The following DGKB variants were observed in gnomAD, a reference collection of about 807,000 sequenced individuals.
DGKB encodes the protein diacylglycerol kinase beta, also known as 90 kDa diacylglycerol kinase.
DGKB carries 67 observed loss-of-function variants against 114.3 expected under a neutral mutation model. The ratio of observed to expected loss-of-function variants is 0.59; its 90% confidence interval spans 0.48 to 0.72. DGKB has a LOEUF of 0.72. Ranked by LOEUF, DGKB falls within the 30% of genes least tolerant of loss-of-function variation. DGKB has a pLI of 0.00. For synonymous variants in DGKB, 398 were observed against 323.1 expected, an observed-to-expected ratio of 1.23 and a Z score of -2.49; for missense variants, 907 against 975.2, an observed-to-expected ratio of 0.93 and a Z score of 0.93.
intron 14 of DGKB, among the ~76,000 whole-genome samples, chr7:14,625,300 C>T (rs558673511): frequency 2.0e-5 from 3 of 152,070 alleles, no homozygotes; most frequent in Admixed American, 2.0e-4. Context: ...ATCTTAAAAA[C>T]AGGAGAGCCT....
At chr7:14,646,528 T>G (rs757014056) in intron 13 of DGKB, among the ~76,000 whole-genome samples, 2 of 152,162 alleles carry the variant, frequency 1.3e-5, no homozygotes, top group African/African-American at 2.4e-5. Context: ...ATCCAATAGC[T>G]GCAGAACACA....
chr7:14,319,272 A>C (rs2128527955), intron 23 of DGKB, among the ~76,000 whole-genome samples: 1 of 121,648 alleles, frequency 8.2e-6, no homozygotes, highest in African/African-American at 3.5e-5. Context: ...ATGTACCCTA[A>C]AACTTAAAGT....
intron 21 of DGKB, among the ~76,000 whole-genome samples, chr7:14,384,760 A>G: frequency 6.6e-6 from 1 of 152,180 alleles, no homozygotes; most frequent in East Asian, 1.9e-4. Flanking sequence ...GGTAATATGT[A>G]GAGACCTTTT....
intron 23 of DGKB, among the ~76,000 whole-genome samples, chr7:14,264,933 A>G (rs542068184): frequency 1.3e-5 from 2 of 152,214 alleles, no homozygotes; most frequent in Admixed American, 6.6e-5. Context: ...TAACTGAAAC[A>G]AAGACTTTAC....
intron 20 of DGKB, among the ~76,000 whole-genome samples, chr7:14,530,468 T>G (rs1453255531): frequency 6.6e-6 from 1 of 151,556 alleles, no homozygotes; most frequent in Non-Finnish European, 1.5e-5. Flanking sequence ...CATGCCTCCC[T>G]TGATTTCTTC....
chr7:14,914,745 T>A (rs1293153811), intron 1 of DGKB, among the ~76,000 whole-genome samples: 2 of 151,820 alleles, frequency 1.3e-5, no homozygotes, highest in Admixed American at 1.3e-4. Context: ...TGTTAAAGGA[T>A]CTAACGGAAA....
At chr7:14,635,069 A>G (rs1810475877) in intron 13 of DGKB, among the ~76,000 whole-genome samples, 1 of 151,574 alleles carries the variant, frequency 6.6e-6, no homozygotes, top group South Asian at 2.1e-4. Flanking sequence ...AAAATAAAAC[A>G]TTTTAAAAGC....
chr7:14,180,093 C>T (rs1160130325), intron 23 of DGKB, among the ~76,000 whole-genome samples: 3 of 152,122 alleles, frequency 2.0e-5, no homozygotes, highest in Admixed American at 6.6e-5. Context: ...CAGATGTGTG[C>T]CTGCTGATAT....
chr7:14,973,263 C>T (rs1158714510), intron 1 of DGKB, among the ~76,000 whole-genome samples: 3 of 151,798 alleles, frequency 2.0e-5, no homozygotes, highest in East Asian at 3.9e-4. Flanking sequence ...ATTTAAAATA[C>T]TATTAAGGAA....
chr7:14,629,494 T>C (rs988237397), intron 14 of DGKB, among the ~76,000 whole-genome samples: 1 of 152,080 alleles, frequency 6.6e-6, no homozygotes, highest in Non-Finnish European at 1.5e-5. Context: ...TAATCTTATG[T>C]AGCATTCATA....
chr7:14,149,050 A>T lies in DGKB; in HGVS notation c.*81T>A. ...TGATTTTGCATGAGCAGGAGACTTG[A>T]AATGGTTCAAAGATTTCCAGCATAT... On this transcript the variant is annotated 3_prime_UTR_variant, in exon 26 of 26. Coordinates refer to ENST00000402815, the MANE Select transcript of DGKB (RefSeq NM_001350709.2). 1 of 1,249,438 alleles carries T rather than the reference A, an allele frequency of 8.0e-7. No homozygotes were observed. The highest frequency in any genetic ancestry group is 1.2e-6 in the Non-Finnish European group (1 of 851,560). The allele number at this position is 1,249,438 out of a possible 1,614,324, so 77.4% of individuals were successfully genotyped here. A position where few individuals can be genotyped will look rare whatever the true frequency, so the allele number is the denominator to read the frequency against.
intron 17 of DGKB, among the ~76,000 whole-genome samples, chr7:14,599,059 A>G (rs919829479): frequency 2.0e-5 from 3 of 152,206 alleles, no homozygotes; most frequent in Non-Finnish European, 1.5e-5. Flanking sequence ...TTTTAGGTAT[A>G]ATGATTACTA....
At chr7:14,548,778 C>A (rs1053354594) in intron 20 of DGKB, among the ~76,000 whole-genome samples, 1 of 151,904 alleles carries the variant, frequency 6.6e-6, no homozygotes, top group Non-Finnish European at 1.5e-5. Context: ...TTAGGAGGCA[C>A]GGTGATTGCA....
At chr7:14,912,717 A>G (rs1292566128) in intron 1 of DGKB, among the ~76,000 whole-genome samples, 1 of 152,140 alleles carries the variant, frequency 6.6e-6, no homozygotes, top group Non-Finnish European at 1.5e-5. Flanking sequence ...AAAATCTATC[A>G]TCATAGGTTT....
At chr7:14,853,058 C>A (rs1363661868) in intron 1 of DGKB, among the ~76,000 whole-genome samples, 2 of 152,110 alleles carry the variant, frequency 1.3e-5, no homozygotes, top group Admixed American at 6.5e-5. Flanking sequence ...ATCTTTCAAA[C>A]CTTTAATCCC....
intron 1 of DGKB, among the ~76,000 whole-genome samples, chr7:14,958,861 C>G (rs1184938968): frequency 2.0e-5 from 3 of 152,068 alleles, no homozygotes; most frequent in East Asian, 3.9e-4. Context: ...AGAACAAAAG[C>G]CTTTAGGTGG....
chr7:14,155,899 C>T (rs186205746), intron 25 of DGKB, among the ~76,000 whole-genome samples: 10 of 152,014 alleles, frequency 6.6e-5, no homozygotes, highest in South Asian at 6.2e-4. Flanking sequence ...ATGTGGTGTT[C>T]GGAAGGGAGA....
rs926810174 is a variant in DGKB at position 14,640,840 on chromosome 7, C to T, written c.1135-10572G>A. On this transcript the variant is annotated intron_variant, in intron 13 of 25. Transcript: ENST00000402815. ...GTTTCAGCAGGAATCATTAAAACTA[C>T]AGATTACCTTTGCAAGGTGGAATTT... 3.3e-5 allele frequency among the ~76,000 whole-genome samples: 5 copies of T among 152,158 alleles called. No homozygotes were observed. In the East Asian group the frequency reaches 9.6e-4, roughly 29 times the overall value.
intron 23 of DGKB, among the ~76,000 whole-genome samples, chr7:14,313,508 T>A (rs1805807497): frequency 6.6e-6 from 1 of 151,902 alleles, no homozygotes; most frequent in Non-Finnish European, 1.5e-5. Flanking sequence ...AAGAAAGGGG[T>A]GACGGACGGC....
Sources: gnomAD v4.1 joint callset for allele counts (sites outside exome capture counted in the v4.1 genomes callset) on GRCh38, gnomAD v4.1.1 for gene constraint, MANE v1.5 for transcripts, NCBI Gene and HGNC (gene_info 2026-07-23, HGNC 2026-07-21) for gene names.